The following ANGPT1 variants were observed in gnomAD, a reference collection of about 807,000 sequenced individuals.
The protein encoded by ANGPT1 is angiopoietin 1.
ANGPT1 carries 17 observed loss-of-function variants against 62.2 expected under a neutral mutation model. That is an observed-to-expected ratio of 0.27 (90% CI 0.19 to 0.41). ANGPT1 has a LOEUF of 0.41. Ranked by LOEUF, ANGPT1 falls within the 10% of genes least tolerant of loss-of-function variation. ANGPT1 has a pLI of 1.00. For synonymous variants in ANGPT1, 199 were observed against 198.9 expected, an observed-to-expected ratio of 1.00 and a Z score of 0.00; for missense variants, 478 against 594.9, an observed-to-expected ratio of 0.80 and a Z score of 2.04.
chr8:107,263,303 G>A lies in ANGPT1; in HGVS notation c.1336+918C>T, dbSNP rs141644585. 1.5e-4 allele frequency among the ~76,000 whole-genome samples: 21 copies of A among 138,052 alleles called. No homozygotes were observed. In the East Asian group the frequency reaches 3.2e-3, roughly 21 times the overall value. The allele number at this position is 138,052 out of a possible 152,430, so 90.6% of individuals were successfully genotyped here. Reference sequence around the variant, plus strand: ...CAGGAGGTGGAGGCTGCAGTGAGCCGAGACAGCACCACTGCACTCCAGCCT... The same window carrying A: ...CAGGAGGTGGAGGCTGCAGTGAGCCAAGACAGCACCACTGCACTCCAGCCT... On this transcript the variant is annotated intron_variant, in intron 8 of 8. Transcript: ENST00000517746.
chr8:107,282,553 CATATATATATATATATATATATAT>C (rs753412026), intron 7 of ANGPT1, among the ~76,000 whole-genome samples: 14 of 51,076 alleles, frequency 2.7e-4, no homozygotes, highest in East Asian at 1.7e-3. Context: ...ATATATGAAC[CATATATATATATATATATATATAT>C]ATATATATAT....
intron 4 of ANGPT1, among the ~76,000 whole-genome samples, chr8:107,311,323 G>C (rs186804661): frequency 6.6e-6 from 1 of 151,524 alleles, no homozygotes; most frequent in African/African-American, 2.4e-5. Flanking sequence ...GGATAATAAC[G>C]GATTAAATTA....
chr8:107,426,030 A>G (rs1811032679), intron 1 of ANGPT1, among the ~76,000 whole-genome samples: 1 of 152,232 alleles, frequency 6.6e-6, no homozygotes, highest in Non-Finnish European at 1.5e-5. Context: ...GTGCTTATTT[A>G]TTTTGAAGGA....
chr8:107,384,998 A>G (rs1331784192), intron 1 of ANGPT1, among the ~76,000 whole-genome samples: 1 of 152,124 alleles, frequency 6.6e-6, no homozygotes, highest in East Asian at 1.9e-4. Context: ...TAACAGTACC[A>G]TGCTATTTTA....
chr8:107,289,314 T>G (rs1814217439), intron 6 of ANGPT1, among the ~76,000 whole-genome samples: 1 of 152,084 alleles, frequency 6.6e-6, no homozygotes, highest in Non-Finnish European at 1.5e-5. Context: ...AATGTTCAAT[T>G]TTGGTTTGTG....
At chr8:107,325,205 G>A (rs146222943) in intron 3 of ANGPT1, among the ~76,000 whole-genome samples, 6 of 152,290 alleles carry the variant, frequency 3.9e-5, no homozygotes, top group Non-Finnish European at 7.4e-5. Context: ...TGGGGTAGGC[G>A]TCAAAGGAGA....
At chr8:107,373,295 G>A (rs1654711) in intron 1 of ANGPT1, among the ~76,000 whole-genome samples, 112,584 of 151,260 alleles carry the variant, frequency 0.74, 42,726 homozygotes, top group East Asian at 0.87. Flanking sequence ...GAATTAGAGA[G>A]TGTATTTGGA....
In ANGPT1 at chr8:107,425,192, C is replaced by T. The variant is rs140519418; in HGVS notation, c.297+72070G>A. On this transcript the variant is annotated intron_variant, in intron 1 of 8. Transcript: ENST00000517746. The stretch of plus-strand genomic sequence containing the variant: ...CCAGCCAGAAAGACTATTCTTAAAG[C>T]ATTCCTTTCTATGCATTGGAAAAAT... Among the ~76,000 whole-genome samples, 200 of 152,308 alleles carry T rather than the reference C, an allele frequency of 1.3e-3. 1 individual carries two copies. Among genetic ancestry groups the T allele is most frequent in the African/African-American group, 4.5e-3 (189 of 41,578 alleles).
chr8:107,348,810 G>A (rs776333969), intron 1 of ANGPT1, among the ~76,000 whole-genome samples: 13 of 151,946 alleles, frequency 8.6e-5, no homozygotes, highest in Non-Finnish European at 1.6e-4. Flanking sequence ...TTTGCCCTTC[G>A]GAACAAATGC....
At chr8:107,382,161 G>T (rs1280356329) in intron 1 of ANGPT1, among the ~76,000 whole-genome samples, 5 of 152,100 alleles carry the variant, frequency 3.3e-5, no homozygotes, top group East Asian at 1.9e-4. Flanking sequence ...TAGAATAAGA[G>T]AACTTAATTA....
chr8:107,295,027 G>A (rs1440081608), intron 5 of ANGPT1: 5 of 152,122 alleles, frequency 3.3e-5, no homozygotes, highest in Non-Finnish European at 7.3e-5. Context: ...CCTGATTAAA[G>A]AAAAAACCTC....
intron 4 of ANGPT1, among the ~76,000 whole-genome samples, chr8:107,311,515 C>T (rs1814862935): frequency 6.6e-6 from 1 of 151,984 alleles, no homozygotes; most frequent in Admixed American, 6.6e-5. Context: ...TACAAATTTT[C>T]AATAATACTA....
intron 1 of ANGPT1, among the ~76,000 whole-genome samples, chr8:107,461,348 T>C (rs1330775078): frequency 6.6e-6 from 1 of 152,142 alleles, no homozygotes. Flanking sequence ...AGGCCACTTA[T>C]CTGTATTCAC....
chr8:107,421,999 A>G (rs1302391715), intron 1 of ANGPT1, among the ~76,000 whole-genome samples: 2 of 152,152 alleles, frequency 1.3e-5, no homozygotes, highest in African/African-American at 4.8e-5. Context: ...TTCATGTTAA[A>G]CACCTTTTAG....
intron 7 of ANGPT1, among the ~76,000 whole-genome samples, chr8:107,266,783 T>C (rs1243144428): frequency 6.6e-6 from 1 of 152,216 alleles, no homozygotes; most frequent in African/African-American, 2.4e-5. Flanking sequence ...CACAAATGTT[T>C]GATTTTAAAT....
At chr8:107,471,654 T>C (rs538800135) in intron 1 of ANGPT1, among the ~76,000 whole-genome samples, 102 of 152,238 alleles carry the variant, frequency 6.7e-4, no homozygotes, top group African/African-American at 2.3e-3. Flanking sequence ...ATTCTTCAGA[T>C]TGGCGACGTT....
At chr8:107,290,940 C>T (rs1384243766) in intron 6 of ANGPT1, among the ~76,000 whole-genome samples, 1 of 152,190 alleles carries the variant, frequency 6.6e-6, no homozygotes, top group Non-Finnish European at 1.5e-5. Flanking sequence ...ACATGCCTAG[C>T]TTGCCAAGGC....
At chr8:107,392,626 A>G (rs929389543) in intron 1 of ANGPT1, among the ~76,000 whole-genome samples, 6 of 152,154 alleles carry the variant, frequency 3.9e-5, no homozygotes, top group African/African-American at 1.4e-4. Context: ...TGCCATGCAA[A>G]TATATCTATA....
At chr8:107,290,784 G>C (rs2130166070) in intron 6 of ANGPT1, among the ~76,000 whole-genome samples, 1 of 152,166 alleles carries the variant, frequency 6.6e-6, no homozygotes. Flanking sequence ...AAGGGAGGAG[G>C]GGTAAACTCC....
Sources: allele counts gnomAD v4.1 joint callset (sites outside exome capture counted in the v4.1 genomes callset), GRCh38; gene constraint gnomAD v4.1.1; transcripts MANE v1.5; gene names NCBI Gene and HGNC (gene_info 2026-07-23, HGNC 2026-07-21).